Variants in EDNRA observed in about 807,000 individuals in gnomAD.
EDNRA encodes the protein endothelin-1 receptor.
Under a neutral mutation model 41.4 loss-of-function variants are expected in EDNRA, and 11 were observed. That is an observed-to-expected ratio of 0.27 (90% CI 0.17 to 0.44). EDNRA has a LOEUF of 0.44. Ranked by LOEUF, EDNRA falls within the 20% of genes least tolerant of loss-of-function variation. The probability of loss-of-function intolerance (pLI) is 1.00; values close to 1 mark genes in which losing one functional copy is unlikely to be tolerated. For missense variants in EDNRA, 294 were observed against 531.0 expected (o/e 0.55, Z 4.39); for synonymous variants, 172 against 183.0 (o/e 0.94, Z 0.49).
chr4:147,533,386 T>C (rs761068039), intron 4 of EDNRA, among the ~76,000 whole-genome samples: 11 of 152,224 alleles, frequency 7.2e-5, no homozygotes, highest in Admixed American at 4.6e-4. Context: ...ATCTTTTCTT[T>C]GCAAAACTAG....
chr4:147,498,744 C>T (rs546456774), intron 2 of EDNRA, among the ~76,000 whole-genome samples: 61 of 152,278 alleles, frequency 4.0e-4, no homozygotes, highest in African/African-American at 1.4e-3. Flanking sequence ...AAGATCTGAA[C>T]TTCAGAAATG....
Position 147,485,605 on chromosome 4 carries a change from G to C in EDNRA, c.-70-7G>C. On this transcript the variant is annotated splice_region_variant and splice_polypyrimidine_tract_variant and intron_variant, in intron 1 of 7. Coordinates refer to ENST00000651419, the MANE Select transcript of EDNRA (RefSeq NM_001957.4). ...TGGAACAAAAATTATTTTTCCTTTTGTTTCAGGTGAAAAAAAAGTGAAGGT... is the reference window on the plus strand; with the variant it reads ...TGGAACAAAAATTATTTTTCCTTTTCTTTCAGGTGAAAAAAAAGTGAAGGT... The C allele has an allele frequency of 1.4e-6, 2 of 1,478,772 alleles. No individual in the cohort carries two copies. Among genetic ancestry groups the C allele is most frequent in the Non-Finnish European group, 9.1e-7 (1 of 1,102,530 alleles). The allele number at this position is 1,478,772 out of a possible 1,614,324, so 91.6% of individuals were successfully genotyped here.
At chr4:147,525,926 CA>C (rs1730526226) in intron 3 of EDNRA, among the ~76,000 whole-genome samples, 1 of 152,210 alleles carries the variant, frequency 6.6e-6, no homozygotes, top group African/African-American at 2.4e-5. Context: ...GTGATATTCT[CA>C]AAGGTATATC....
rs563360851 is a variant in EDNRA at position 147,530,969 on chromosome 4, T to C, written c.549-1537T>C. On this transcript the variant is annotated intron_variant, in intron 3 of 7. Transcript: ENST00000651419. ...ACGGCAGCAACAAAAATTTCAGGAA[T>C]GAGGCCACAAAAATACCATACCACG... 2.0e-5 allele frequency among the ~76,000 whole-genome samples: 3 copies of C among 152,146 alleles called. No individual in the cohort carries two copies. In the South Asian group the frequency reaches 6.2e-4, roughly 32 times the overall value.
At chr4:147,502,269 AT>A (rs1334657876) in intron 2 of EDNRA, among the ~76,000 whole-genome samples, 11 of 152,108 alleles carry the variant, frequency 7.2e-5, no homozygotes, top group Non-Finnish European at 1.5e-4. Flanking sequence ...AAAATTAGAT[AT>A]TTTTTCTACT....
intron 2 of EDNRA, among the ~76,000 whole-genome samples, chr4:147,505,216 AGAG>A (rs140885622): frequency 0.23 from 24,016 of 106,488 alleles, 2,111 homozygotes; most frequent in Middle Eastern, 0.31. Flanking sequence ...AAAAAAAAAA[AGAG>A]AGAGAGAGAG....
chr4:147,539,769 A>T, intron 5 of EDNRA, 48 bp from the exon 6 acceptor site: 2 of 1,588,816 alleles, frequency 1.3e-6, no homozygotes, highest in South Asian at 1.2e-5. Flanking sequence ...TGCATCTAGT[A>T]TAAAAACACT....
chr4:147,518,606 G>A (rs1487164114), intron 2 of EDNRA, among the ~76,000 whole-genome samples: 3 of 152,052 alleles, frequency 2.0e-5, no homozygotes, highest in East Asian at 1.9e-4. Context: ...CTTTATCTAC[G>A]GGGTACTGGT....
At chr4:147,518,494 A>G (rs960069544) in intron 2 of EDNRA, among the ~76,000 whole-genome samples, 2 of 152,212 alleles carry the variant, frequency 1.3e-5, no homozygotes, top group African/African-American at 4.8e-5. Context: ...AAAGGAAGTA[A>G]TCACGAAAAC....
intron 2 of EDNRA, among the ~76,000 whole-genome samples, chr4:147,497,338 G>T (rs564451652): frequency 6.6e-6 from 1 of 151,350 alleles, no homozygotes; most frequent in South Asian, 2.1e-4. Context: ...GTCTTGTGTG[G>T]CCTGTGTATG....
chr4:147,538,957 A>G (rs2126485700), intron 5 of EDNRA, among the ~76,000 whole-genome samples: 1 of 152,316 alleles, frequency 6.6e-6, no homozygotes, highest in Non-Finnish European at 1.5e-5. Context: ...TCAGGCTTCT[A>G]AATGCATGCA....
intron 2 of EDNRA, among the ~76,000 whole-genome samples, chr4:147,507,949 G>A (rs1027472663): frequency 4.0e-4 from 61 of 152,110 alleles, no homozygotes; most frequent in African/African-American, 1.3e-3. Context: ...TATCTGCTTT[G>A]GTGAAATGTT....
In EDNRA at chr4:147,519,192, G is replaced by A. The variant is rs1265205006; in HGVS notation, c.421-659G>A. Among the ~76,000 whole-genome samples the A allele has an allele frequency of 1.3e-5, 2 of 152,216 alleles. No homozygotes were observed. Among genetic ancestry groups the A allele is most frequent in the Non-Finnish European group, 2.9e-5 (2 of 68,038 alleles). ...CTTACATCACATCTACTGAAGCAGA[G>A]TCAGCCCCTTAAGCACAGAGGAAAA... On this transcript the variant is annotated intron_variant, in intron 2 of 7. Coordinates refer to ENST00000651419, the MANE Select transcript of EDNRA (RefSeq NM_001957.4). The surrounding 1 kb of genome is among the most constrained non-coding windows in gnomAD (Gnocchi z 4.1).
In EDNRA at chr4:147,481,883, G is replaced by A. The variant is rs903003048; in HGVS notation, c.-71+507G>A. Among the ~76,000 whole-genome samples, 3 of 152,314 alleles carry A rather than the reference G, an allele frequency of 2.0e-5. No individual in the cohort carries two copies. The South Asian group carries it at 6.2e-4, about 32-fold the overall frequency. On this transcript the variant is annotated intron_variant, in intron 1 of 7. Coordinates refer to ENST00000651419, the MANE Select transcript of EDNRA (RefSeq NM_001957.4). The stretch of plus-strand genomic sequence containing the variant: ...TGAGGTGTTTGGGGAAACCCCCTGT[G>A]TAGCTAGTTTTGGAAACCTGCCTGT...
rs201117684 is a variant in EDNRA at position 147,540,444 on chromosome 4, G to A, written c.1102G>A (p.Ala368Thr). ...ATMNSCINPI[A>T]LYFVSKKFKN... ...CATGAATTCATGTATAAACCCCATA[G>A]CTCTGTATTTTGTGAGCAAGAAATT... is the stretch of plus-strand genomic sequence containing the variant. The change falls in exon 7 of 8, where the codon GCT becomes ACT. Residue 368 changes from alanine to threonine, a missense_variant. By Grantham distance (58) the Ala-to-Thr change is moderately conservative. Coordinates refer to ENST00000651419, the MANE Select transcript of EDNRA (RefSeq NM_001957.4). 7 of 1,613,262 alleles carry A rather than the reference G, an allele frequency of 4.3e-6. No individual in the cohort carries two copies. In the East Asian group the frequency reaches 1.6e-4, roughly 36 times the overall value.
intron 5 of EDNRA, among the ~76,000 whole-genome samples, chr4:147,537,797 G>T (rs2126483631): frequency 6.6e-6 from 1 of 150,946 alleles, no homozygotes. Flanking sequence ...TAGAACCCAA[G>T]ATTTTGTCCT....
chr4:147,499,997 G>T (rs559980536), intron 2 of EDNRA, among the ~76,000 whole-genome samples: 2 of 151,804 alleles, frequency 1.3e-5, no homozygotes, highest in Non-Finnish European at 2.9e-5. Flanking sequence ...TAGAGATGGG[G>T]TTTCACCGTG....
intron 4 of EDNRA, among the ~76,000 whole-genome samples, chr4:147,535,411 C>T (rs995123544): frequency 6.6e-5 from 10 of 152,164 alleles, no homozygotes; most frequent in Non-Finnish European, 1.0e-4. Flanking sequence ...ATAAGCCATT[C>T]GTAACCTTCA....
chr4:147,523,461 GTTT>G (rs796601293), intron 3 of EDNRA, among the ~76,000 whole-genome samples: 1 of 131,022 alleles, frequency 7.6e-6, no homozygotes, highest in Non-Finnish European at 1.6e-5. Context: ...TTGGGTGTTT[GTTT>G]TTTTTTGTTG....
Sources: gnomAD v4.1 joint callset for allele counts (sites outside exome capture counted in the v4.1 genomes callset) on GRCh38, gnomAD v4.1.1 for gene constraint, Gnocchi (gnomAD v3.1) non-coding constraint, MANE v1.5 for transcripts, NCBI Gene and HGNC (gene_info 2026-07-23, HGNC 2026-07-21) for gene names.